The following NFIX variants were observed in gnomAD, a reference collection of about 807,000 sequenced individuals.
NFIX encodes nuclear factor I X, also known as nuclear factor 1 X-type.
Under a neutral mutation model 53.3 loss-of-function variants are expected in NFIX, and 2 were observed. That is an observed-to-expected ratio of 0.04 (90% confidence interval 0.02 to 0.12). The LOEUF (loss-of-function observed/expected upper bound fraction) is 0.12, where lower values mean the gene tolerates loss of function less well. Among genes scored for constraint, NFIX ranks in the 10% least tolerant of loss-of-function variants. NFIX has a pLI of 1.00. For missense variants in NFIX, 310 were observed against 674.5 expected (o/e 0.46, Z 5.99); for synonymous variants, 244 against 289.0 (o/e 0.84, Z 1.58).
intron 2 of NFIX, among the ~76,000 whole-genome samples, chr19:13,026,746 G>C (rs1548552): frequency 0.33 from 46,745 of 141,440 alleles, 8,168 homozygotes; most frequent in East Asian, 0.58. Context: ...CTCTCTCTCT[G>C]TGTGTGTGTG....
intron 2 of NFIX, among the ~76,000 whole-genome samples, chr19:13,053,228 G>A (rs939472465): frequency 6.6e-6 from 1 of 152,136 alleles, no homozygotes. Context: ...GCACCCTTGG[G>A]TGCTGCCCTT....
intron 8 of NFIX, 89 bp from the exon 9 acceptor site, chr19:13,087,900 C>T (rs2017882245): frequency 4.0e-6 from 6 of 1,489,212 alleles, no homozygotes. Context: ...AGCGCCCGCT[C>T]TCAGGAGCGA....
chr19:13,073,106 A>G lies in NFIX; in HGVS notation c.619A>G (p.Asn207Asp). ...QGDADIKPLP[N>D]GHLSFQDCFV... ...AGATGCGGACATCAAACCACTGCCCAACGGTCAGTGCCCCCCACCTGCCCA... is the reference window on the plus strand; with the variant it reads ...AGATGCGGACATCAAACCACTGCCCGACGGTCAGTGCCCCCCACCTGCCCA... Residue 207 changes from asparagine (N) to aspartate (D), a missense_variant, in exon 3 of 11, where the codon AAC becomes GAC. Asn to Asp is a conservative substitution (Grantham distance 23). Around this residue, in one of 5 missense-constraint regions of NFIX, gnomAD observed 164 missense variants for 284.4 expected, o/e 0.58. Transcript: ENST00000592199. The surrounding 1 kb of genome is among the most constrained non-coding windows in gnomAD (Gnocchi z 4.5). 2 of 1,613,804 alleles carry G rather than the reference A, an allele frequency of 1.2e-6. No individual in the cohort carries two copies. The highest frequency in any genetic ancestry group is 1.1e-5 in the South Asian group (1 of 91,076).
chr19:13,075,961 C>T (rs1002155010), intron 6 of NFIX, among the ~76,000 whole-genome samples: 3 of 152,112 alleles, frequency 2.0e-5, no homozygotes, highest in African/African-American at 7.2e-5. Flanking sequence ...TGGCCGCAGC[C>T]CCTCCTGGTA....
Position 13,037,100 on chromosome 19 carries a change from C to T in NFIX, c.559+11548C>T, listed in dbSNP as rs73507347. 0.035 allele frequency among the ~76,000 whole-genome samples: 5,377 copies of T among 152,152 alleles called. 326 individuals are homozygous for T. The highest frequency in any genetic ancestry group is 0.12 in the African/African-American group (5,102 of 41,462). ...ATCTGCCCTTGGGTATTTGACCCAA[C>T]GGGAAGCAAGGCAGTAGACTCCGTT... On this transcript the variant is annotated intron_variant, in intron 2 of 10. Transcript: ENST00000592199. This position sits in a 1 kb window ranked among gnomAD's most constrained non-coding sequence, Gnocchi z 4.2.
At chr19:13,017,459 C>T (rs1250810556) in intron 1 of NFIX, among the ~76,000 whole-genome samples, 7 of 152,168 alleles carry the variant, frequency 4.6e-5, no homozygotes, top group African/African-American at 9.7e-5. Context: ...CCCTCAGGAC[C>T]GAGGGGTGCC....
intron 10 of NFIX, among the ~76,000 whole-genome samples, chr19:13,092,480 C>A (rs972919128): frequency 6.6e-6 from 1 of 152,210 alleles, no homozygotes; most frequent in Non-Finnish European, 1.5e-5. Context: ...TGGCAGTTGT[C>A]CCCAACTGTA....
In NFIX at chr19:13,021,291, T is replaced by G. The variant is rs573979923; in HGVS notation, c.28-3730T>G. 2.9e-4 allele frequency among the ~76,000 whole-genome samples: 44 copies of G among 152,142 alleles called. No individual in the cohort carries two copies. Among genetic ancestry groups the G allele is most frequent in the Non-Finnish European group, 5.7e-4 (39 of 68,030 alleles). The stretch of plus-strand genomic sequence containing the variant: ...ACCACCTGCCTTCTGTACTCTCACC[T>G]CTAACCGTTTCTTTCAGGGATCAGC... On this transcript the variant is annotated intron_variant, in intron 1 of 10. Coordinates refer to ENST00000592199, the MANE Select transcript of NFIX (RefSeq NM_001365902.3). This position sits in a 1 kb window ranked among gnomAD's most constrained non-coding sequence, Gnocchi z 4.2.
Position 13,051,662 on chromosome 19 carries a change from C to A in NFIX, c.560-21385C>A, listed in dbSNP as rs78990168. 1.1e-4 allele frequency among the ~76,000 whole-genome samples: 17 copies of A among 152,178 alleles called. No individual in the cohort carries two copies. Among genetic ancestry groups the A allele is most frequent in the East Asian group, 1.9e-4 (1 of 5,190 alleles). On this transcript the variant is annotated intron_variant, in intron 2 of 10. Coordinates refer to ENST00000592199, the MANE Select transcript of NFIX (RefSeq NM_001365902.3). This position sits in a 1 kb window ranked among gnomAD's most constrained non-coding sequence, Gnocchi z 5.1. Reference sequence around the variant, plus strand: ...TCCTCGGAGAAGCCCAGCCCTCCTCCTCCTCCCTTCTTGGCCCTCTCCTCT... The same window carrying A: ...TCCTCGGAGAAGCCCAGCCCTCCTCATCCTCCCTTCTTGGCCCTCTCCTCT...
intron 1 of NFIX, chr19:13,024,111 A>AC: frequency 1.5e-6 from 1 of 682,262 alleles, no homozygotes; most frequent in Non-Finnish European, 2.3e-6. Context: ...CAAGCAAACA[A>AC]CCAAAAAAAA....
At chr19:13,029,199 G>A (rs1156502203) in intron 2 of NFIX, among the ~76,000 whole-genome samples, 2 of 152,146 alleles carry the variant, frequency 1.3e-5, no homozygotes, top group African/African-American at 2.4e-5. Context: ...GCCCACCCAT[G>A]CTGAGTTATT....
rs1221304412 is a variant in NFIX, at chr19:13,021,741, A to G, written c.28-3280A>G. 6.6e-6 allele frequency among the ~76,000 whole-genome samples: 1 copy of G among 151,894 alleles called. No homozygotes were observed. ...GGCTGCTCCATAGCTCTAACTGGAG[A>G]GACCCCCTCAGAAGTGGGACTCCCC... On this transcript the variant is annotated intron_variant, in intron 1 of 10. Coordinates refer to ENST00000592199, the MANE Select transcript of NFIX (RefSeq NM_001365902.3). This position sits in a 1 kb window ranked among gnomAD's most constrained non-coding sequence, Gnocchi z 4.2.
rs374213392 is a variant in NFIX at position 13,077,506 on chromosome 19, T to C, written c.956-1107T>C. 1.6e-4 allele frequency among the ~76,000 whole-genome samples: 24 copies of C among 152,244 alleles called. No homozygotes were observed. In the South Asian group the frequency reaches 5.0e-3, roughly 32 times the overall value. On this transcript the variant is annotated intron_variant, in intron 6 of 10. Transcript: ENST00000592199. ...TGGTAGGATGCTCCCCCCTCCCCAC[T>C]GTGCCAGCTATCAGGTGGCACACAG...
chr19:13,057,883 C>G (rs1266294651), intron 2 of NFIX, among the ~76,000 whole-genome samples: 1 of 152,184 alleles, frequency 6.6e-6, no homozygotes, highest in Non-Finnish European at 1.5e-5. Context: ...CCTCTCTGCC[C>G]CAACTCCCAC....
At position 13,094,382 on chromosome 19, in the gene NFIX, A is replaced by C. The variant is rs1179354559; in HGVS notation, c.1495-253A>C. 6.6e-6 allele frequency among the ~76,000 whole-genome samples: 1 copy of C among 152,240 alleles called. No homozygotes were observed. Among genetic ancestry groups the C allele is most frequent in the Non-Finnish European group, 1.5e-5 (1 of 68,032 alleles). On this transcript the variant is annotated intron_variant, in intron 10 of 10. Transcript: ENST00000592199. The surrounding 1 kb of genome is among the most constrained non-coding windows in gnomAD (Gnocchi z 4.3). Reference sequence around the variant, plus strand: ...CATGGGGGTCCCACCCGCTGGGCACAGTGCCCACGGGAAGGCCAGCTGGAC... The same window carrying C: ...CATGGGGGTCCCACCCGCTGGGCACCGTGCCCACGGGAAGGCCAGCTGGAC...
Position 13,073,142 on chromosome 19 carries a change from T to A in NFIX, c.622+33T>A, listed in dbSNP as rs370964009. 1.2e-6 allele frequency: 2 copies of A among 1,607,858 alleles called. No individual in the cohort carries two copies. The highest frequency in any genetic ancestry group is 2.7e-5 in the African/African-American group (2 of 74,916). ...CCCCCCACCTGCCCAGCTGCCCTTA[T>A]CCTTCATGCCCCTCCACTTCCTTCC... On this transcript the variant is annotated intron_variant, in intron 3 of 10. Transcript: ENST00000592199. This position sits in a 1 kb window ranked among gnomAD's most constrained non-coding sequence, Gnocchi z 4.5.
chr19:12,995,944 C>A (rs1350854406), intron 1 of NFIX, 80 bp downstream of exon 1: 10 of 581,048 alleles, frequency 1.7e-5, no homozygotes, highest in Non-Finnish European at 1.9e-5. Flanking sequence ...GGAGGGGACG[C>A]GCGGCGGCCG....
chr19:12,995,766 G>T lies in NFIX; in HGVS notation c.-72G>T, dbSNP rs1280492319. 2.7e-5 allele frequency: 18 copies of T among 663,626 alleles called. No homozygotes were observed. Among genetic ancestry groups the T allele is most frequent in the Non-Finnish European group, 3.3e-5 (18 of 540,062 alleles). 41.1% of individuals were successfully genotyped at this position (663,626 alleles called of 1,614,324 possible). On this transcript the variant is annotated 5_prime_UTR_variant, in exon 1 of 11. Transcript: ENST00000592199. ...AGGAGCCGAGCCGGAGCCCGAGCCC[G>T]AGCGCGGCCGCCGCCTGCCGGGCCT...
At position 13,049,185 on chromosome 19, in the gene NFIX, T is replaced by C. The variant is rs2015175416; in HGVS notation, c.559+23633T>C. On this transcript the variant is annotated intron_variant, in intron 2 of 10. Coordinates refer to ENST00000592199, the MANE Select transcript of NFIX (RefSeq NM_001365902.3). This position sits in a 1 kb window ranked among gnomAD's most constrained non-coding sequence, Gnocchi z 4.5. Reference sequence around the variant, plus strand: ...GGAGGATTGCTTGAACCCAAGAATTTAAGGTTGCAGCAAGCGATGATCACA... The same window carrying C: ...GGAGGATTGCTTGAACCCAAGAATTCAAGGTTGCAGCAAGCGATGATCACA... Among the ~76,000 whole-genome samples, 2 of 151,676 alleles carry C rather than the reference T, an allele frequency of 1.3e-5. No individual in the cohort carries two copies. Among genetic ancestry groups the C allele is most frequent in the Non-Finnish European group, 2.9e-5 (2 of 67,898 alleles).
Sources: allele counts gnomAD v4.1 joint callset (sites outside exome capture counted in the v4.1 genomes callset), GRCh38; gene constraint gnomAD v4.1.1; regional missense constraint gnomAD v4.1.1; non-coding constraint Gnocchi (gnomAD v3.1); transcripts MANE v1.5; gene names NCBI Gene and HGNC (gene_info 2026-07-23, HGNC 2026-07-21).